The following ZFHX3 variants were observed in gnomAD, a reference collection of about 807,000 sequenced individuals.
ZFHX3 encodes zinc finger homeobox 3, also known as zinc finger homeobox protein 3.
A neutral mutation model predicts 279.1 loss-of-function variants in ZFHX3; 42 were observed. That is an observed-to-expected ratio of 0.15 (90% CI 0.12 to 0.19). The LOEUF is 0.19. Ranked by LOEUF, ZFHX3 falls within the 10% of genes least tolerant of loss-of-function variation. ZFHX3 has a pLI of 1.00. For synonymous variants in ZFHX3, 2,293 were observed against 1,957.8 expected (o/e 1.17, Z -4.52); for missense variants, 4,981 against 4,754.0 (o/e 1.05, Z -1.40).
intron 1 of ZFHX3, among the ~76,000 whole-genome samples, chr16:73,821,084 G>C (rs193409): frequency 6.6e-6 from 1 of 152,136 alleles, no homozygotes; most frequent in Non-Finnish European, 1.5e-5. Context: ...GAGAAACACA[G>C]ATTCAAAAAC....
intron 8 of ZFHX3, among the ~76,000 whole-genome samples, chr16:73,079,239 T>C (rs1965919005): frequency 6.6e-6 from 1 of 151,806 alleles, no homozygotes; most frequent in African/African-American, 2.4e-5. Context: ...AAATTTATTT[T>C]TAAGGCCGGG....
upstream of ZFHX3, chr16:73,048,179 G>A (rs1480754579): frequency 6.5e-6 from 1 of 153,088 alleles, no homozygotes; most frequent in African/African-American, 2.4e-5. Context: ...AGGGGGGCGG[G>A]CGGGGCGGGG....
chr16:73,807,340 CT>C (rs199914775), intron 1 of ZFHX3, among the ~76,000 whole-genome samples: 2 of 152,064 alleles, frequency 1.3e-5, no homozygotes, highest in African/African-American at 4.8e-5. Context: ...TGCTTTCTTC[CT>C]TTTTTTTCAG....
chr16:73,172,474 T>C (rs909813104), intron 5 of ZFHX3, among the ~76,000 whole-genome samples: 2 of 152,232 alleles, frequency 1.3e-5, no homozygotes, highest in African/African-American at 4.8e-5. Flanking sequence ...ATGGGCCAAT[T>C]TGTTTGAATT....
intron 4 of ZFHX3, among the ~76,000 whole-genome samples, chr16:73,258,495 G>A (rs1179621979): frequency 6.6e-6 from 1 of 151,718 alleles, no homozygotes; most frequent in Non-Finnish European, 1.5e-5. Context: ...GACTACAGGC[G>A]CCCACCACCA....
chr16:73,879,023 C>T (rs185060096), intron 1 of ZFHX3, among the ~76,000 whole-genome samples: 1 of 150,700 alleles, frequency 6.6e-6, no homozygotes, highest in Non-Finnish European at 1.5e-5. Flanking sequence ...GAGATCTCCT[C>T]CCAGCATTTT....
intron 1 of ZFHX3, among the ~76,000 whole-genome samples, chr16:73,807,777 T>C (rs1232370041): frequency 6.6e-6 from 1 of 151,780 alleles, no homozygotes; most frequent in Non-Finnish European, 1.5e-5. Context: ...AGCCAAAGTA[T>C]CAGTTTTCTA....
upstream of ZFHX3, among the ~76,000 whole-genome samples, chr16:73,049,474 T>C (rs1965409998): frequency 6.6e-6 from 1 of 152,272 alleles, no homozygotes; most frequent in African/African-American, 2.4e-5. Flanking sequence ...CACATCCCCG[T>C]ATAGAAGGCT....
rs183178489 is a variant in ZFHX3, at chr16:73,364,476, T to C, written c.-1290-46140A>G. 9.5e-4 allele frequency among the ~76,000 whole-genome samples: 145 copies of C among 152,252 alleles called. 2 individuals carry two copies. The highest frequency in any genetic ancestry group is 3.2e-3 in the African/African-American group (134 of 41,552). On this transcript the variant is annotated intron_variant, in intron 3 of 17. Transcript: ENST00000641206. The stretch of plus-strand genomic sequence containing the variant: ...TCCTGACCTCGTAGTTCTTTCGGTC[T>C]GGTCAGGGAGACAGAGATTATATGT...
At chr16:72,830,485 G>GT (rs1279487285) in intron 4 of ZFHX3, among the ~76,000 whole-genome samples, 3 of 152,262 alleles carry the variant, frequency 2.0e-5, no homozygotes, top group Non-Finnish European at 4.4e-5. Context: ...GTGGTGGGAA[G>GT]TGAGATTTGT....
intron 1 of ZFHX3, among the ~76,000 whole-genome samples, chr16:73,799,640 G>T (rs533255609): frequency 1.3e-5 from 2 of 152,290 alleles, no homozygotes; most frequent in East Asian, 3.9e-4. Context: ...CTCTCAGGAA[G>T]AAAGGGATGC....
chr16:73,303,029 GA>G (rs2015094458), intron 4 of ZFHX3, among the ~76,000 whole-genome samples: 1 of 137,354 alleles, frequency 7.3e-6, no homozygotes, highest in South Asian at 2.3e-4. Context: ...AAGAGCAATG[GA>G]GACTTTTTTT....
intron 3 of ZFHX3, among the ~76,000 whole-genome samples, chr16:72,945,148 T>C (rs748230858): frequency 2.7e-4 from 41 of 152,168 alleles, no homozygotes; most frequent in Non-Finnish European, 7.4e-5. Flanking sequence ...ATTGGACGAA[T>C]GTGGATGAAG....
chr16:73,667,440 G>T (rs548215322), intron 2 of ZFHX3, among the ~76,000 whole-genome samples: 13 of 152,180 alleles, frequency 8.5e-5, no homozygotes, highest in Non-Finnish European at 1.3e-4. Context: ...CCTAGGAGTA[G>T]GTTGGCTGGA....
At chr16:72,955,776 CA>C (rs11441187) in intron 2 of ZFHX3, among the ~76,000 whole-genome samples, 57 of 106,142 alleles carry the variant, frequency 5.4e-4, no homozygotes, top group African/African-American at 8.8e-4. Context: ...GACTCTGTCT[CA>C]AAAAAAAAAA....
chr16:73,171,136 CT>C (rs1054167071), intron 5 of ZFHX3, among the ~76,000 whole-genome samples: 32 of 152,148 alleles, frequency 2.1e-4, no homozygotes, highest in African/African-American at 6.3e-4. Flanking sequence ...TATTTTTGCA[CT>C]TTTTTTCTCT....
chr16:73,296,877 ATTTTTT>A (rs201366558), intron 4 of ZFHX3, among the ~76,000 whole-genome samples: 10,729 of 116,246 alleles, frequency 0.092, 804 homozygotes, highest in South Asian at 0.27. Context: ...TGAAGCAGGA[ATTTTTT>A]TTTTTTTTTT....
intron 2 of ZFHX3, among the ~76,000 whole-genome samples, chr16:73,573,573 C>T (rs768706829): frequency 3.0e-4 from 45 of 152,268 alleles, no homozygotes; most frequent in Non-Finnish European, 4.3e-4. Context: ...TGGTCAAGTG[C>T]GTTACAGTCG....
chr16:73,311,861 A>C (rs921105900), intron 4 of ZFHX3, among the ~76,000 whole-genome samples: 7 of 152,212 alleles, frequency 4.6e-5, no homozygotes, highest in Admixed American at 4.6e-4. Flanking sequence ...CAGGAGTAAG[A>C]TGCTTTTGCT....
Sources: allele counts gnomAD v4.1 joint callset (sites outside exome capture counted in the v4.1 genomes callset), GRCh38; gene constraint gnomAD v4.1.1; transcripts MANE v1.5; gene names NCBI Gene and HGNC (gene_info 2026-07-23, HGNC 2026-07-21).